The following SLC9A9 variants were observed in gnomAD, a reference collection of about 807,000 sequenced individuals.
SLC9A9 encodes sodium/hydrogen exchanger 9.
In SLC9A9, 62 loss-of-function variants were observed where a neutral mutation model predicts 77.8. The ratio of observed to expected loss-of-function variants is 0.80; its 90% CI spans 0.65 to 0.98. SLC9A9 has a LOEUF of 0.98. Ranked by LOEUF, SLC9A9 falls within the 50% of genes least tolerant of loss-of-function variation. SLC9A9 has a pLI of 0.00. For missense variants in SLC9A9, 775 were observed against 774.9 expected, an observed-to-expected ratio of 1.00 and a Z score of 0.00; for synonymous variants, 320 against 283.5, an observed-to-expected ratio of 1.13 and a Z score of -1.29.
intron 14 of SLC9A9, among the ~76,000 whole-genome samples, chr3:143,273,170 A>G (rs550171528): frequency 4.7e-4 from 71 of 152,348 alleles, no homozygotes; most frequent in African/African-American, 1.6e-3. Context: ...GTGGCTTTGC[A>G]TAGGTCAGTG....
rs112529785 is a variant in SLC9A9, at chr3:143,754,583, T to C, written c.533+40418A>G. ...AGCCTAGGTGGGTCCCAGTGCAGAA[T>C]AGGCTTTTCCCCATGTAAGCGAGCT... On this transcript the variant is annotated intron_variant, in intron 4 of 15. Coordinates refer to ENST00000316549, the MANE Select transcript of SLC9A9 (RefSeq NM_173653.4). Among the ~76,000 whole-genome samples the C allele has an allele frequency of 6.6e-5, 10 of 152,290 alleles. 1 individual carries two copies. The highest frequency in any genetic ancestry group is 2.2e-4 in the African/African-American group (9 of 41,556).
intron 9 of SLC9A9, among the ~76,000 whole-genome samples, chr3:143,515,533 G>GT (rs1171572311): frequency 4.6e-5 from 7 of 152,112 alleles, no homozygotes; most frequent in African/African-American, 9.7e-5. Context: ...GTTTTCTACA[G>GT]TTTTTTTCCC....
At chr3:143,431,623 A>G (rs1163338296) in intron 12 of SLC9A9, among the ~76,000 whole-genome samples, 1 of 151,796 alleles carries the variant, frequency 6.6e-6, no homozygotes. Flanking sequence ...GCTGGACTAC[A>G]GGCACCCGCC....
At chr3:143,820,444 G>A (rs1404735183) in intron 2 of SLC9A9, among the ~76,000 whole-genome samples, 1 of 152,116 alleles carries the variant, frequency 6.6e-6, no homozygotes, top group Non-Finnish European at 1.5e-5. Context: ...GTGACTTTTT[G>A]CTAAGGTCAA....
At chr3:143,436,530 A>T (rs1326630624) in intron 12 of SLC9A9, among the ~76,000 whole-genome samples, 1 of 152,246 alleles carries the variant, frequency 6.6e-6, no homozygotes, top group Non-Finnish European at 1.5e-5. Context: ...CAATTTGGTC[A>T]GATGATTTGT....
chr3:143,668,920 T>C (rs1447736), intron 5 of SLC9A9, among the ~76,000 whole-genome samples: 146,844 of 152,306 alleles, frequency 0.96, 70,812 homozygotes, highest in East Asian at 1. Context: ...AGGTCAATTC[T>C]TGTCCTTTCT....
intron 5 of SLC9A9, among the ~76,000 whole-genome samples, chr3:143,658,783 G>T (rs954266801): frequency 5.9e-5 from 9 of 152,130 alleles, no homozygotes; most frequent in South Asian, 4.1e-4. Context: ...TAACCAGAAG[G>T]TCATGCAGTT....
chr3:143,807,912 C>A (rs781360477), intron 2 of SLC9A9, among the ~76,000 whole-genome samples: 3 of 152,038 alleles, frequency 2.0e-5, no homozygotes, highest in Non-Finnish European at 4.4e-5. Context: ...GGAGAAGGTG[C>A]CGGTAGAGGG....
chr3:143,321,904 T>C (rs1550547), intron 14 of SLC9A9, among the ~76,000 whole-genome samples: 86,086 of 151,950 alleles, frequency 0.57, 26,181 homozygotes, highest in African/African-American at 0.79. Context: ...GGTAAGTGAA[T>C]ATCCACACAA....
At chr3:143,460,638 A>C (rs931714888) in intron 12 of SLC9A9, among the ~76,000 whole-genome samples, 1 of 152,158 alleles carries the variant, frequency 6.6e-6, no homozygotes, top group Non-Finnish European at 1.5e-5. Flanking sequence ...GACTAAGAAC[A>C]TGGCTTGTGG....
chr3:143,700,098 C>T (rs1314007522), intron 4 of SLC9A9, among the ~76,000 whole-genome samples: 1 of 151,438 alleles, frequency 6.6e-6, no homozygotes, highest in Non-Finnish European at 1.5e-5. Context: ...GAAGGGAACC[C>T]ACTGCCTTAA....
intron 9 of SLC9A9, among the ~76,000 whole-genome samples, chr3:143,546,286 A>T (rs529084262): frequency 1.3e-5 from 2 of 152,244 alleles, no homozygotes; most frequent in Non-Finnish European, 2.9e-5. Flanking sequence ...GATAAACACT[A>T]TAAATATCAT....
intron 11 of SLC9A9, among the ~76,000 whole-genome samples, chr3:143,477,710 C>T (rs1294801902): frequency 6.6e-6 from 1 of 152,116 alleles, no homozygotes; most frequent in Non-Finnish European, 1.5e-5. Context: ...CTTATATTAT[C>T]CTATGGTTCT....
At chr3:143,670,793 C>A (rs1053668640) in intron 5 of SLC9A9, among the ~76,000 whole-genome samples, 13 of 152,228 alleles carry the variant, frequency 8.5e-5, no homozygotes, top group African/African-American at 3.1e-4. Context: ...ATGCTGAGAG[C>A]AGAACCTGTG....
intron 9 of SLC9A9, among the ~76,000 whole-genome samples, chr3:143,533,666 A>C (rs2036548742): frequency 6.6e-6 from 1 of 152,200 alleles, no homozygotes; most frequent in Non-Finnish European, 1.5e-5. Flanking sequence ...TTTGGAGGTA[A>C]GGGTATTTTT....
At chr3:143,511,150 C>T (rs2036109687) in intron 9 of SLC9A9, among the ~76,000 whole-genome samples, 1 of 152,126 alleles carries the variant, frequency 6.6e-6, no homozygotes, top group Admixed American at 6.5e-5. Context: ...ACAATGGATG[C>T]CTTGGGCTGG....
At position 143,465,769 on chromosome 3, in the gene SLC9A9, G is replaced by C. The variant is rs180714144; in HGVS notation, c.1469+1268C>G. Reference sequence around the variant, plus strand: ...GCAATCTGTGTACTCATCCATGGGAGCCTACAGGTAACCACCACTGTGAAA... The same window carrying C: ...GCAATCTGTGTACTCATCCATGGGACCCTACAGGTAACCACCACTGTGAAA... On this transcript the variant is annotated intron_variant, in intron 12 of 15. Coordinates refer to ENST00000316549, the MANE Select transcript of SLC9A9 (RefSeq NM_173653.4). 4.7e-3 allele frequency among the ~76,000 whole-genome samples: 714 copies of C among 152,316 alleles called. 5 individuals carry two copies. The highest frequency in any genetic ancestry group is 0.016 in the African/African-American group (651 of 41,566).
At chr3:143,333,283 C>G (rs1345182767) in intron 14 of SLC9A9, among the ~76,000 whole-genome samples, 1 of 137,748 alleles carries the variant, frequency 7.3e-6, no homozygotes, top group Non-Finnish European at 1.5e-5. Context: ...TTTAAATATC[C>G]TTTTAAAAAC....
rs185326965 is a variant in SLC9A9 at position 143,519,089 on chromosome 3, A to G, written c.1090-23641T>C. 3.7e-4 allele frequency among the ~76,000 whole-genome samples: 56 copies of G among 152,362 alleles called. 1 individual carries two copies. In the East Asian group the frequency reaches 9.2e-3, roughly 25 times the overall value. ...GTAGGTGCTGGAGATGCAGTAGTGA[A>G]CAAAACTGACAAGAAAACCTGCCTT... is the stretch of plus-strand genomic sequence containing the variant. On this transcript the variant is annotated intron_variant, in intron 9 of 15. Coordinates refer to ENST00000316549, the MANE Select transcript of SLC9A9 (RefSeq NM_173653.4).
Sources: allele counts gnomAD v4.1 joint callset (sites outside exome capture counted in the v4.1 genomes callset), GRCh38; gene constraint gnomAD v4.1.1; transcripts MANE v1.5; gene names NCBI Gene and HGNC (gene_info 2026-07-23, HGNC 2026-07-21).